UVRAG: variants seen among roughly 807,000 people sequenced by gnomAD.
UVRAG encodes the protein UV radiation resistance associated, also known as UV radiation resistance-associated gene protein.
In UVRAG, 19 loss-of-function variants were observed where a neutral mutation model predicts 78.0. The observed-to-expected ratio is 0.24, with a 90% confidence interval of 0.17 to 0.36. UVRAG has a LOEUF of 0.36. Ranked by LOEUF, UVRAG falls within the 10% of genes least tolerant of loss-of-function variation. The pLI, the probability that UVRAG is intolerant of heterozygous loss-of-function variation, is 1.00. For missense variants in UVRAG, 740 were observed against 853.8 expected (o/e 0.87, Z 1.66); for synonymous variants, 323 against 324.6 (o/e 1.00, Z 0.05).
chr11:76,015,793 T>C (rs1379827907), intron 11 of UVRAG, among the ~76,000 whole-genome samples: 1 of 152,160 alleles, frequency 6.6e-6, no homozygotes, highest in Admixed American at 6.5e-5. Flanking sequence ...TTATTGGTAA[T>C]TGAGGTTAAA....
intron 12 of UVRAG, among the ~76,000 whole-genome samples, chr11:76,047,090 A>G (rs1163353754): frequency 6.6e-6 from 1 of 152,208 alleles, no homozygotes; most frequent in Non-Finnish European, 1.5e-5. Context: ...CCATTGTACA[A>G]GAGACAGACA....
intron 3 of UVRAG, among the ~76,000 whole-genome samples, chr11:75,872,392 T>TA (rs1946671763): frequency 3.6e-3 from 2 of 558 alleles, no homozygotes; most frequent in South Asian, 0.2. Flanking sequence ...TAATGCTGCC[T>TA]TTTTTTTTTT....
rs1210290603 is a variant in UVRAG at position 76,025,026 on chromosome 11, A to G, written c.1226+8046A>G. Reference sequence around the variant, plus strand: ...TTGAGATGTTAAAGTTCAAAGCTCTATTTAGCCAGTTTTGCTGGAAGAGAA... The same window carrying G: ...TTGAGATGTTAAAGTTCAAAGCTCTGTTTAGCCAGTTTTGCTGGAAGAGAA... On this transcript the variant is annotated intron_variant, in intron 12 of 14. Coordinates refer to ENST00000356136, the MANE Select transcript of UVRAG (RefSeq NM_003369.4). Among the ~76,000 whole-genome samples, 28 of 152,154 alleles carry G rather than the reference A, an allele frequency of 1.8e-4. 1 individual carries two copies. Among genetic ancestry groups the G allele is most frequent in the Admixed American group, 1.8e-3 (28 of 15,252 alleles).
intron 8 of UVRAG, among the ~76,000 whole-genome samples, chr11:76,001,258 A>G (rs1017728113): frequency 1.3e-5 from 2 of 152,246 alleles, no homozygotes; most frequent in Non-Finnish European, 2.9e-5. Context: ...AGAAGAAATC[A>G]CAAGAAAATT....
intron 6 of UVRAG, among the ~76,000 whole-genome samples, chr11:75,951,001 C>T (rs879819430): frequency 1.0e-4 from 15 of 149,952 alleles, no homozygotes; most frequent in Non-Finnish European, 1.9e-4. Context: ...CACACACACA[C>T]ACATATCCCA....
At chr11:76,118,785 C>T (rs959494330) in intron 14 of UVRAG, among the ~76,000 whole-genome samples, 3 of 152,104 alleles carry the variant, frequency 2.0e-5, no homozygotes, top group African/African-American at 7.2e-5. Context: ...CACATAAAAT[C>T]CTTGTCTGAT....
At chr11:75,975,762 T>G (rs533512939) in intron 7 of UVRAG, among the ~76,000 whole-genome samples, 3 of 152,346 alleles carry the variant, frequency 2.0e-5, no homozygotes, top group Non-Finnish European at 2.9e-5. Context: ...TAAGGAGATT[T>G]TGGGCTGAGA....
intron 1 of UVRAG, among the ~76,000 whole-genome samples, chr11:75,843,736 A>C (rs954424937): frequency 6.6e-6 from 1 of 152,136 alleles, no homozygotes; most frequent in Non-Finnish European, 1.5e-5. Flanking sequence ...AGGTGGGTGG[A>C]TCATTTGAGG....
At chr11:75,921,730 T>A (rs769104980) in intron 6 of UVRAG, among the ~76,000 whole-genome samples, 1 of 152,054 alleles carries the variant, frequency 6.6e-6, no homozygotes, top group African/African-American at 2.4e-5. Flanking sequence ...CACACTGATA[T>A]CTAGTATAGA....
chr11:76,077,762 G>A (rs1198153495), intron 13 of UVRAG, among the ~76,000 whole-genome samples: 5 of 152,160 alleles, frequency 3.3e-5, no homozygotes, highest in Non-Finnish European at 5.9e-5. Context: ...GACCGTACTT[G>A]CTGCTTTCCT....
intron 13 of UVRAG, among the ~76,000 whole-genome samples, chr11:76,098,854 T>G (rs555815868): frequency 1.3e-5 from 2 of 152,320 alleles, no homozygotes; most frequent in East Asian, 3.9e-4. Context: ...TAAAATTCAT[T>G]TTCAAAGCAC....
At chr11:76,046,545 A>G (rs1021863347) in intron 12 of UVRAG, among the ~76,000 whole-genome samples, 1 of 152,240 alleles carries the variant, frequency 6.6e-6, no homozygotes, top group Non-Finnish European at 1.5e-5. Flanking sequence ...ATGATACATT[A>G]TATGGCTCTG....
chr11:76,119,667 C>G (rs896518881), intron 14 of UVRAG, among the ~76,000 whole-genome samples: 1 of 152,210 alleles, frequency 6.6e-6, no homozygotes, highest in African/African-American at 2.4e-5. Context: ...TCAGCAAGCC[C>G]TGTCATCACT....
chr11:75,928,961 A>AAAAAAAAAAAG (rs767893577), intron 6 of UVRAG, among the ~76,000 whole-genome samples: 1 of 142,932 alleles, frequency 7.0e-6, no homozygotes, highest in African/African-American at 2.8e-5. Flanking sequence ...AAAAAAAAAA[A>AAAAAAAAAAAG]AAAGAATTGA....
intron 13 of UVRAG, among the ~76,000 whole-genome samples, chr11:76,091,962 C>T (rs571708238): frequency 5.9e-4 from 89 of 152,040 alleles, no homozygotes; most frequent in African/African-American, 2.1e-3. Flanking sequence ...TTGGGTATAT[C>T]TCCTAATGCT....
intron 7 of UVRAG, among the ~76,000 whole-genome samples, chr11:75,978,388 G>T (rs1321692272): frequency 1.3e-5 from 2 of 152,130 alleles, no homozygotes; most frequent in Non-Finnish European, 2.9e-5. Context: ...GGTGTTCTCT[G>T]TATTTCCTGA....
chr11:75,815,215 TA>T lies in UVRAG; in HGVS notation c.-192del, dbSNP rs1945229285. 5 of 430,938 alleles carry T rather than the reference TA, an allele frequency of 1.2e-5. No homozygotes were observed. In the South Asian group the frequency reaches 2.7e-4, roughly 24 times the overall value. 26.7% of individuals were successfully genotyped at this position (430,938 alleles called of 1,614,324 possible). A position where few individuals can be genotyped will look rare whatever the true frequency, so the allele number is the denominator to read the frequency against. ...GGGTGGAGGGGTTGCACTGCGGTAA[TA>T]TGGCTCTTCCTTAGCCAGCGGCGGC... On this transcript the variant is annotated 5_prime_UTR_variant, in exon 1 of 15. It removes an upstream start codon present in the reference 5' UTR. Transcript: ENST00000356136.
At chr11:75,956,495 C>T (rs1948802061) in intron 6 of UVRAG, among the ~76,000 whole-genome samples, 1 of 151,934 alleles carries the variant, frequency 6.6e-6, no homozygotes, top group African/African-American at 2.4e-5. Context: ...AAGCGATTCC[C>T]TTGCCTCAGC....
intron 13 of UVRAG, among the ~76,000 whole-genome samples, chr11:76,089,849 C>T (rs893931688): frequency 3.9e-5 from 6 of 152,178 alleles, no homozygotes; most frequent in East Asian, 1.9e-4. Flanking sequence ...CCTTTCTGTT[C>T]CCCCATTCTA....
Sources: gnomAD v4.1 joint callset for allele counts (sites outside exome capture counted in the v4.1 genomes callset) on GRCh38, gnomAD v4.1.1 for gene constraint, MANE v1.5 for transcripts, NCBI Gene and HGNC (gene_info 2026-07-23, HGNC 2026-07-21) for gene names.